Variants in HSD17B14 observed in about 807,000 individuals in gnomAD.
The protein encoded by HSD17B14 is L-fucose dehydrogenase.
A neutral mutation model predicts 32.2 loss-of-function variants in HSD17B14; 32 were observed. The ratio of observed to expected loss-of-function variants is 0.99; its 90% CI spans 0.75 to 1.33. HSD17B14 has a LOEUF of 1.33. Ranked by LOEUF, HSD17B14 falls within the 40% of genes most tolerant of loss-of-function variation. HSD17B14 has a pLI of 0.00. For missense variants in HSD17B14, 370 were observed against 366.5 expected, an observed-to-expected ratio of 1.01 and a Z score of -0.08; for synonymous variants, 140 against 155.4, an observed-to-expected ratio of 0.90 and a Z score of 0.74.
Position 48,813,743 on chromosome 19 carries a change from G to A in HSD17B14, c.475-13C>T. On this transcript the variant is annotated splice_polypyrimidine_tract_variant and intron_variant, in intron 6 of 8. Transcript: ENST00000263278. ...CTGTTACTGCCCCCTGCAGGAAATG[G>A]AGCGGGGAAGAAAGTTCAGTCCCCG... 1 of 1,614,148 alleles carries A rather than the reference G, an allele frequency of 6.2e-7. No individual in the cohort carries two copies. The highest frequency in any genetic ancestry group is 8.5e-7 in the Non-Finnish European group (1 of 1,179,986).
Position 48,834,519 on chromosome 19 carries a change from G to A in HSD17B14, c.128-161C>T, listed in dbSNP as rs551247307. ...CTGGACTCCTGGGTCTGAGGAAGTA[G>A]GGCCTGGGGGCCTGGACTCCTGGGT... On this transcript the variant is annotated intron_variant, in intron 2 of 8. Coordinates refer to ENST00000263278, the MANE Select transcript of HSD17B14 (RefSeq NM_016246.3). Among the ~76,000 whole-genome samples the A allele has an allele frequency of 7.3e-3, 710 of 97,336 alleles. 29 individuals are homozygous for A. The highest frequency in any genetic ancestry group is 9.7e-3 in the Non-Finnish European group (514 of 53,186). 63.9% of individuals were successfully genotyped at this position (97,336 alleles called of 152,430 possible). A position where few individuals can be genotyped will look rare whatever the true frequency, so the allele number is the denominator to read the frequency against.
intron 5 of HSD17B14, among the ~76,000 whole-genome samples, chr19:48,820,596 A>G (rs865888278): frequency 8.0e-5 from 12 of 149,998 alleles, no homozygotes; most frequent in Middle Eastern, 3.4e-3. Flanking sequence ...CAGTGGCGCA[A>G]TCTTGGCTCA....
At chr19:48,817,982 C>G (rs966973250) in intron 5 of HSD17B14, among the ~76,000 whole-genome samples, 1 of 152,084 alleles carries the variant, frequency 6.6e-6, no homozygotes, top group Non-Finnish European at 1.5e-5. Flanking sequence ...AGACCCAAAC[C>G]CATAAACAAA....
At chr19:48,825,831 T>C (rs961018491) in intron 5 of HSD17B14, among the ~76,000 whole-genome samples, 1 of 151,936 alleles carries the variant, frequency 6.6e-6, no homozygotes, top group Non-Finnish European at 1.5e-5. Context: ...TATTTATTTA[T>C]TTATTTTGAG....
chr19:48,834,665 T>G (rs1330558935), intron 2 of HSD17B14, among the ~76,000 whole-genome samples: 5 of 36,932 alleles, frequency 1.4e-4, no homozygotes, highest in Non-Finnish European at 1.3e-4. Context: ...TCCGAGGAAG[T>G]AGGGCCTGGG....
chr19:48,815,462 T>C (rs938711276), intron 5 of HSD17B14, among the ~76,000 whole-genome samples: 2 of 152,100 alleles, frequency 1.3e-5, no homozygotes, highest in African/African-American at 4.8e-5. Context: ...TTCCTGTCCA[T>C]ATCAAGACAG....
Position 48,834,704 on chromosome 19 carries a change from A to G in HSD17B14, c.128-346T>C, listed in dbSNP as rs370803193. On this transcript the variant is annotated intron_variant, in intron 2 of 8. Transcript: ENST00000263278. ...CTGGACTCCTGGGTCTGAGGGAGGA[A>G]GGGCTGGGAGCCTGGACTCCTGGGT... Among the ~76,000 whole-genome samples, 297 of 44,036 alleles carry G rather than the reference A, an allele frequency of 6.7e-3. 3 individuals carry two copies. Among genetic ancestry groups the G allele is most frequent in the African/African-American group, 0.026 (90 of 3,492 alleles). The allele number at this position is 44,036 out of a possible 152,430, so 28.9% of individuals were successfully genotyped here. A position where few individuals can be genotyped will look rare whatever the true frequency, so the allele number is the denominator to read the frequency against.
intron 2 of HSD17B14, among the ~76,000 whole-genome samples, chr19:48,834,813 G>T (rs1208729492): frequency 2.3e-4 from 21 of 92,896 alleles, no homozygotes; most frequent in Admixed American, 5.3e-4. Context: ...TCTGAGGGAG[G>T]AGGGGCTGGG....
In HSD17B14 at chr19:48,813,267, T is replaced by C. The variant is rs976971129; in HGVS notation, c.721A>G (p.Ile241Val). The change falls in exon 9 of 9, where the codon ATT becomes GTT. Residue 241 changes from isoleucine to valine, a missense_variant. By Grantham distance (29) the Ile-to-Val change is conservative. Transcript: ENST00000263278. ...LASEANFCTGIELLVTGGAEL... is the reference protein window; with the variant it reads ...LASEANFCTGVELLVTGGAEL... Reference sequence around the variant, plus strand: ...GCACCCCCCGTCACGAGCAGTTCAATGCCCGTGCAGAAGTTGGCTTCGGAG... The same window carrying C: ...GCACCCCCCGTCACGAGCAGTTCAACGCCCGTGCAGAAGTTGGCTTCGGAG... 1.9e-6 allele frequency: 3 copies of C among 1,607,516 alleles called. No individual in the cohort carries two copies. The highest frequency in any genetic ancestry group is 2.5e-6 in the Non-Finnish European group (3 of 1,177,124).
chr19:48,834,376 C>G lies in HSD17B14; in HGVS notation c.128-18G>C, dbSNP rs1465413762. On this transcript the variant is annotated intron_variant, in intron 2 of 8. Transcript: ENST00000263278. ...CCCAGACTCTGCAGGGAGAGAAGAG[C>G]TGGGAGCCTGGACCCCTGGGTCTCA... is the stretch of plus-strand genomic sequence containing the variant. 6.3e-7 allele frequency: 1 copy of G among 1,593,052 alleles called. No homozygotes were observed. Among genetic ancestry groups the G allele is most frequent in the Non-Finnish European group, 8.6e-7 (1 of 1,163,962 alleles).
At chr19:48,822,449 G>C (rs111212186) in intron 5 of HSD17B14, among the ~76,000 whole-genome samples, 18 of 141,420 alleles carry the variant, frequency 1.3e-4, no homozygotes, top group African/African-American at 4.5e-4. Flanking sequence ...AGTGATGGTG[G>C]TGATGATGGT....
intron 5 of HSD17B14, among the ~76,000 whole-genome samples, chr19:48,825,496 A>G (rs12971715): frequency 7.6e-4 from 116 of 151,972 alleles, no homozygotes; most frequent in Non-Finnish European, 1.5e-3. Flanking sequence ...TTTGGTTGAG[A>G]TGGGGTCTGG....
chr19:48,830,397 T>G (rs1312186877), intron 5 of HSD17B14, among the ~76,000 whole-genome samples: 1 of 152,148 alleles, frequency 6.6e-6, no homozygotes, highest in Non-Finnish European at 1.5e-5. Flanking sequence ...AACTGTCTGC[T>G]TTCCTGTAAC....
In HSD17B14 at chr19:48,834,527, G is replaced by A. The variant is rs1204218647; in HGVS notation, c.128-169C>T. 4.0e-3 allele frequency among the ~76,000 whole-genome samples: 390 copies of A among 98,282 alleles called. 2 individuals are homozygous for A. Among genetic ancestry groups the A allele is most frequent in the South Asian group, 0.01 (26 of 2,494 alleles). The allele number at this position is 98,282 out of a possible 152,430, so 64.5% of individuals were successfully genotyped here. A position where few individuals can be genotyped will look rare whatever the true frequency, so the allele number is the denominator to read the frequency against. ...CTGGGTCTGAGGAAGTAGGGCCTGG[G>A]GGCCTGGACTCCTGGGTCTGAGGGA... On this transcript the variant is annotated intron_variant, in intron 2 of 8. Coordinates refer to ENST00000263278, the MANE Select transcript of HSD17B14 (RefSeq NM_016246.3).
At chr19:48,815,701 G>A (rs1193252266) in intron 5 of HSD17B14, among the ~76,000 whole-genome samples, 2 of 151,964 alleles carry the variant, frequency 1.3e-5, no homozygotes, top group African/African-American at 4.8e-5. Flanking sequence ...CCATGGAGGG[G>A]GAGATGGTTT....
chr19:48,825,603 A>G (rs901770061), intron 5 of HSD17B14, among the ~76,000 whole-genome samples: 4 of 151,736 alleles, frequency 2.6e-5, no homozygotes, highest in Non-Finnish European at 5.9e-5. Context: ...ATAAATATTG[A>G]TAAGAGTTTC....
chr19:48,818,507 G>C (rs2035094990), intron 5 of HSD17B14, among the ~76,000 whole-genome samples: 1 of 149,346 alleles, frequency 6.7e-6, no homozygotes, highest in Admixed American at 6.7e-5. Context: ...CTCTCAGTCT[G>C]TGCACCTGCC....
chr19:48,816,143 G>A (rs1353598781), intron 5 of HSD17B14, among the ~76,000 whole-genome samples: 3 of 151,598 alleles, frequency 2.0e-5, no homozygotes, highest in Non-Finnish European at 2.9e-5. Flanking sequence ...GTGTGTGTTC[G>A]TTGACTACAC....
At chr19:48,834,567 C>T (rs1309699388) in intron 2 of HSD17B14, among the ~76,000 whole-genome samples, 66 of 70,928 alleles carry the variant, frequency 9.3e-4, no homozygotes, top group Middle Eastern at 6.3e-3. Flanking sequence ...GGGCTGGGAG[C>T]CTGGACTCCT....
Sources: gnomAD v4.1 joint callset for allele counts (sites outside exome capture counted in the v4.1 genomes callset) on GRCh38, gnomAD v4.1.1 for gene constraint, MANE v1.5 for transcripts, NCBI Gene and HGNC (gene_info 2026-07-23, HGNC 2026-07-21) for gene names.